EDARADD: variants seen among roughly 807,000 people sequenced by gnomAD.
The protein encoded by EDARADD is ectodysplasin-A receptor-associated adapter protein.
In EDARADD, 20 loss-of-function variants were observed where a neutral mutation model predicts 25.6. That is an observed-to-expected ratio of 0.78 (90% CI 0.55 to 1.14). EDARADD has a LOEUF of 1.14. EDARADD is among the 50% of genes most tolerant of loss of function. The probability of loss-of-function intolerance (pLI) is 0.00; values close to 1 mark genes in which losing one functional copy is unlikely to be tolerated. For synonymous variants in EDARADD, 86 were observed against 94.4 expected (o/e 0.91, Z 0.52); for missense variants, 225 against 270.1 (o/e 0.83, Z 1.17).
At chr1:236,363,015 A>C (rs1394820620) in intron 3 of EDARADD, among the ~76,000 whole-genome samples, 1 of 110,322 alleles carries the variant, frequency 9.1e-6, no homozygotes, top group Non-Finnish European at 1.8e-5. Flanking sequence ...AAATATATAT[A>C]TATATATATA....
rs912791747 is a variant in EDARADD at position 236,433,886 on chromosome 1, CAAACAAAAA to C, written c.219+6449_219+6457del. On this transcript the variant is annotated intron_variant, in intron 4 of 5. Transcript: ENST00000334232. ...CTCCATCTCAAAAATCAAAAACAAA[CAAACAAAAA>C]AAACAAAAAAAAAAACCCTGCAAAT... Among the ~76,000 whole-genome samples, 15 of 58,626 alleles carry C rather than the reference CAAACAAAAA, an allele frequency of 2.6e-4. 1 individual carries two copies. The highest frequency in any genetic ancestry group is 1.7e-3 in the Admixed American group (11 of 6,436). The allele number at this position is 58,626 out of a possible 152,430, so 38.5% of individuals were successfully genotyped here. A position where few individuals can be genotyped will look rare whatever the true frequency, so the allele number is the denominator to read the frequency against.
chr1:236,477,619 G>T (rs1659547439), intron 5 of EDARADD, among the ~76,000 whole-genome samples: 2 of 152,070 alleles, frequency 1.3e-5, no homozygotes, highest in African/African-American at 4.8e-5. Flanking sequence ...TTTCTAGGAT[G>T]GGTAAAGTTC....
At chr1:236,389,402 C>T (rs1667394579), upstream of EDARADD, among the ~76,000 whole-genome samples, 1 of 152,144 alleles carries the variant, frequency 6.6e-6, no homozygotes, top group African/African-American at 2.4e-5. Flanking sequence ...TTGTGGGAAA[C>T]CAAACACTGC....
At chr1:236,362,294 C>A (rs1249740352) in intron 3 of EDARADD, among the ~76,000 whole-genome samples, 1 of 152,204 alleles carries the variant, frequency 6.6e-6, no homozygotes, top group Non-Finnish European at 1.5e-5. Context: ...ATGTATGGAA[C>A]AACCGATGAT....
intron 3 of EDARADD, among the ~76,000 whole-genome samples, chr1:236,374,215 G>A (rs1033541930): frequency 1.8e-4 from 28 of 152,014 alleles, no homozygotes; most frequent in African/African-American, 6.3e-4. Context: ...ACTATGTTCT[G>A]TTCCTACTCA....
intron 3 of EDARADD, 111 bp from the exon 4 acceptor site, chr1:236,427,281 T>A (rs1657945852): frequency 1.9e-6 from 2 of 1,044,290 alleles, no homozygotes; most frequent in Non-Finnish European, 2.8e-6. Flanking sequence ...TTTTACCAGA[T>A]GCCAAGGCAG....
At chr1:236,416,005 C>T (rs1423820242) in intron 3 of EDARADD, among the ~76,000 whole-genome samples, 1 of 152,162 alleles carries the variant, frequency 6.6e-6, no homozygotes, top group Non-Finnish European at 1.5e-5. Context: ...CCAGGGCCAA[C>T]CTGTCCAGAG....
intron 4 of EDARADD, among the ~76,000 whole-genome samples, chr1:236,434,762 G>A (rs1172449817): frequency 6.6e-6 from 1 of 152,132 alleles, no homozygotes. Flanking sequence ...CAGGGCCCCA[G>A]AGCCTTGAAT....
intron 4 of EDARADD, among the ~76,000 whole-genome samples, chr1:236,435,622 A>T (rs1050644975): frequency 6.6e-6 from 1 of 152,240 alleles, no homozygotes; most frequent in Admixed American, 6.5e-5. Flanking sequence ...GAGAATGTTT[A>T]TGCAGTTCTA....
At chr1:236,394,167 G>A (rs1057225768), upstream of EDARADD, 10 of 420,424 alleles carry the variant, frequency 2.4e-5, no homozygotes, top group Non-Finnish European at 3.9e-5. Context: ...GTTTCCTGAC[G>A]GCCAACGTCA....
rs71532024 is a variant in EDARADD, at chr1:236,405,820, C to T, written c.62-3396C>T. On this transcript the variant is annotated intron_variant, in intron 1 of 5. Coordinates refer to ENST00000334232, the MANE Select transcript of EDARADD (RefSeq NM_145861.4). ...TTTTTCTTTCTTTCTTTCCTTCCTTCCTTTCCTTCCTTCCTTCCTTCCTTC... is the reference window on the plus strand; with the variant it reads ...TTTTTCTTTCTTTCTTTCCTTCCTTTCTTTCCTTCCTTCCTTCCTTCCTTC... Among the ~76,000 whole-genome samples, 742 of 100,594 alleles carry T rather than the reference C, an allele frequency of 7.4e-3. 15 individuals carry two copies. Among genetic ancestry groups the T allele is most frequent in the Admixed American group, 0.017 (150 of 8,746 alleles). The allele number at this position is 100,594 out of a possible 152,430, so 66.0% of individuals were successfully genotyped here.
chr1:236,395,375 G>A lies in EDARADD; in HGVS notation c.61+870G>A, dbSNP rs1558108808. On this transcript the variant is annotated intron_variant, in intron 1 of 5. Coordinates refer to ENST00000334232, the MANE Select transcript of EDARADD (RefSeq NM_145861.4). The surrounding 1 kb of genome is among the most constrained non-coding windows in gnomAD (Gnocchi z 6.9). Reference sequence around the variant, plus strand: ...ACCCCGGCTCCCGCCCCGCGCCTCTGGAGGGAGGTACCGAGGGACGCGCAG... The same window carrying A: ...ACCCCGGCTCCCGCCCCGCGCCTCTAGAGGGAGGTACCGAGGGACGCGCAG... 1 of 1,373,154 alleles carries A rather than the reference G, an allele frequency of 7.3e-7. No homozygotes were observed. The highest frequency in any genetic ancestry group is 9.4e-7 in the Non-Finnish European group (1 of 1,061,550). 85.1% of individuals were successfully genotyped at this position (1,373,154 alleles called of 1,614,324 possible).
At chr1:236,481,600 C>CA (rs35354317) in intron 5 of EDARADD, among the ~76,000 whole-genome samples, 124 of 137,258 alleles carry the variant, frequency 9.0e-4, no homozygotes, top group Middle Eastern at 7.7e-3. Context: ...CCACCTCTAC[C>CA]AAAAAAAAAA....
At chr1:236,361,079 T>TCGACACACAACAAAG (rs1667042120) in intron 3 of EDARADD, among the ~76,000 whole-genome samples, 1 of 152,166 alleles carries the variant, frequency 6.6e-6, no homozygotes, top group Non-Finnish European at 1.5e-5. Flanking sequence ...TGACATACAG[T>TCGACACACAACAAAG]TGACACACAA....
rs1440320470 is a variant in EDARADD at position 236,482,247 on chromosome 1, T to A, written c.266-20T>A. On this transcript the variant is annotated intron_variant, in intron 5 of 5. Transcript: ENST00000334232. ...TTAGGCCTCTTGTTGACCTGTGGACTAAATTGTTTCTCCCTGCAGAGATCA... is the reference window on the plus strand; with the variant it reads ...TTAGGCCTCTTGTTGACCTGTGGACAAAATTGTTTCTCCCTGCAGAGATCA... 1.2e-6 allele frequency: 2 copies of A among 1,613,994 alleles called. No homozygotes were observed. The highest frequency in any genetic ancestry group is 2.7e-5 in the African/African-American group (2 of 74,912).
chr1:236,383,073 G>A (rs1418650753), intron 3 of EDARADD, among the ~76,000 whole-genome samples: 1 of 152,082 alleles, frequency 6.6e-6, no homozygotes, highest in East Asian at 1.9e-4. Context: ...CTGTCTGAGT[G>A]TCCTTTCTCT....
chr1:236,370,456 G>A (rs1667161843), intron 3 of EDARADD, among the ~76,000 whole-genome samples: 1 of 152,154 alleles, frequency 6.6e-6, no homozygotes, highest in African/African-American at 2.4e-5. Flanking sequence ...TAGAAAAAGA[G>A]TAATTCACAC....
chr1:236,440,127 T>C (rs1658362469), intron 4 of EDARADD, among the ~76,000 whole-genome samples: 1 of 152,234 alleles, frequency 6.6e-6, no homozygotes, highest in African/African-American at 2.4e-5. Context: ...CTTTCCACTA[T>C]TATATTGCCT....
intron 3 of EDARADD, among the ~76,000 whole-genome samples, chr1:236,351,830 G>A (rs967655477): frequency 1.3e-5 from 2 of 152,098 alleles, no homozygotes; most frequent in South Asian, 4.2e-4. Context: ...CACACACAAG[G>A]GGGTTTGGGG....
Sources: allele counts gnomAD v4.1 joint callset (sites outside exome capture counted in the v4.1 genomes callset), GRCh38; gene constraint gnomAD v4.1.1; non-coding constraint Gnocchi (gnomAD v3.1); transcripts MANE v1.5; gene names NCBI Gene and HGNC (gene_info 2026-07-23, HGNC 2026-07-21).